Variants in CNTN5 observed in about 807,000 individuals in gnomAD.
CNTN5 encodes contactin-5.
A neutral mutation model predicts 129.1 loss-of-function variants in CNTN5; 77 were observed. That is an observed-to-expected ratio of 0.60 (90% CI 0.50 to 0.72). CNTN5 has a LOEUF of 0.72. CNTN5 is among the 30% of genes least tolerant of loss of function. The pLI is 0.00. For missense variants in CNTN5, 1,478 were observed against 1,328.8 expected (o/e 1.11, Z -1.75); for synonymous variants, 509 against 465.6 (o/e 1.09, Z -1.20).
At chr11:100,349,374 C>T (rs1952355478) in intron 23 of CNTN5, among the ~76,000 whole-genome samples, 1 of 151,850 alleles carries the variant, frequency 6.6e-6, no homozygotes, top group African/African-American at 2.4e-5. Context: ...AATACCAACC[C>T]TTTAACAGTT....
chr11:99,365,555 T>G (rs775496612), intron 2 of CNTN5, among the ~76,000 whole-genome samples: 4 of 152,186 alleles, frequency 2.6e-5, no homozygotes, highest in Non-Finnish European at 5.9e-5. Flanking sequence ...CCAATTCATT[T>G]CATTTCATTT....
intron 13 of CNTN5, among the ~76,000 whole-genome samples, chr11:100,167,083 C>T (rs1947662018): frequency 1.3e-5 from 2 of 151,702 alleles, no homozygotes; most frequent in Non-Finnish European, 2.9e-5. Context: ...AATATAAAAT[C>T]ATGTCATTTC....
chr11:100,070,352 C>A, intron 10 of CNTN5, 72 bp from the exon 11 acceptor site: 2 of 1,441,810 alleles, frequency 1.4e-6, no homozygotes, highest in Non-Finnish European at 1.9e-6. Context: ...TGAATTTTTC[C>A]ATGTAAATTT....
At chr11:99,117,129 CA>C (rs1858080673) in intron 1 of CNTN5, among the ~76,000 whole-genome samples, 1 of 152,012 alleles carries the variant, frequency 6.6e-6, no homozygotes, top group Non-Finnish European at 1.5e-5. Context: ...TGGTTCTAGG[CA>C]AATTATTTTT....
intron 3 of CNTN5, among the ~76,000 whole-genome samples, chr11:99,796,829 G>C (rs981289482): frequency 1.3e-5 from 2 of 152,054 alleles, no homozygotes; most frequent in African/African-American, 4.8e-5. Flanking sequence ...ACACTGGCTG[G>C]GTTTTTTTCC....
intron 15 of CNTN5, among the ~76,000 whole-genome samples, chr11:100,218,508 T>G (rs1259690220): frequency 6.6e-6 from 1 of 152,176 alleles, no homozygotes; most frequent in Non-Finnish European, 1.5e-5. Flanking sequence ...ACCAACCTCA[T>G]GGGCATGTAA....
rs1284471569 is a variant in CNTN5 at position 100,279,929 on chromosome 11, T to A, written c.2314+8688T>A. On this transcript the variant is annotated intron_variant, in intron 18 of 24. Coordinates refer to ENST00000524871, the MANE Select transcript of CNTN5 (RefSeq NM_014361.4). ...CTTTTTCTTTTTTTTTTTTTTTTAA[T>A]GATTTAGGCACTTATAGCTATGAAG... Among the ~76,000 whole-genome samples the A allele has an allele frequency of 1.5e-3, 211 of 144,646 alleles. 1 individual carries two copies. The highest frequency in any genetic ancestry group is 4.4e-4 in the Non-Finnish European group (29 of 65,516). The allele number at this position is 144,646 out of a possible 152,430, so 94.9% of individuals were successfully genotyped here. A position where few individuals can be genotyped will look rare whatever the true frequency, so the allele number is the denominator to read the frequency against.
chr11:99,196,827 A>G (rs1858925401), intron 1 of CNTN5, among the ~76,000 whole-genome samples: 1 of 152,026 alleles, frequency 6.6e-6, no homozygotes, highest in Non-Finnish European at 1.5e-5. Context: ...ATTAAATTAT[A>G]AACATAGCCT....
chr11:99,280,912 A>C (rs902209501), intron 1 of CNTN5, among the ~76,000 whole-genome samples: 1 of 151,766 alleles, frequency 6.6e-6, no homozygotes, highest in African/African-American at 2.4e-5. Flanking sequence ...ATATATTTAC[A>C]GTTATATATA....
intron 2 of CNTN5, among the ~76,000 whole-genome samples, chr11:99,444,412 T>G (rs564276673): frequency 6.6e-6 from 1 of 152,284 alleles, no homozygotes; most frequent in African/African-American, 2.4e-5. Context: ...TAGTTAAAAA[T>G]GATGGCATAT....
intron 2 of CNTN5, among the ~76,000 whole-genome samples, chr11:99,336,809 C>G (rs12294930): frequency 0.037 from 5,545 of 150,310 alleles, 322 homozygotes; most frequent in African/African-American, 0.13. Flanking sequence ...GCCTGGGTGA[C>G]AGAGTGAGAC....
At chr11:100,022,543 A>G (rs1591069712) in intron 9 of CNTN5, among the ~76,000 whole-genome samples, 2 of 152,226 alleles carry the variant, frequency 1.3e-5, no homozygotes, top group African/African-American at 4.8e-5. Flanking sequence ...TTGACTTTAA[A>G]CAGCTGGTTA....
At chr11:99,402,609 C>T (rs1199607988) in intron 2 of CNTN5, among the ~76,000 whole-genome samples, 1 of 152,074 alleles carries the variant, frequency 6.6e-6, no homozygotes, top group Admixed American at 6.6e-5. Flanking sequence ...TTGAAGCATT[C>T]CCTCCTCCTC....
chr11:99,149,989 C>G (rs1018172617), intron 1 of CNTN5, among the ~76,000 whole-genome samples: 3 of 151,648 alleles, frequency 2.0e-5, no homozygotes, highest in Non-Finnish European at 4.4e-5. Context: ...ATTATGATAC[C>G]TGGTAAATAA....
intron 2 of CNTN5, among the ~76,000 whole-genome samples, chr11:99,337,589 G>C (rs1866286138): frequency 6.6e-6 from 1 of 152,110 alleles, no homozygotes; most frequent in Non-Finnish European, 1.5e-5. Flanking sequence ...GGTGTTCCTT[G>C]CCCTCATTCC....
At chr11:99,680,211 T>G (rs918292046) in intron 3 of CNTN5, among the ~76,000 whole-genome samples, 1 of 152,136 alleles carries the variant, frequency 6.6e-6, no homozygotes, top group African/African-American at 2.4e-5. Flanking sequence ...AAAAAACAAA[T>G]TTTCAATATA....
intron 3 of CNTN5, among the ~76,000 whole-genome samples, chr11:99,611,604 A>G (rs530103112): frequency 2.6e-5 from 4 of 152,324 alleles, no homozygotes; most frequent in African/African-American, 9.6e-5. Context: ...TTAAATCAGT[A>G]GTCCTATTCA....
At chr11:99,768,328 T>A (rs1944826233) in intron 3 of CNTN5, among the ~76,000 whole-genome samples, 1 of 152,150 alleles carries the variant, frequency 6.6e-6, no homozygotes, top group Admixed American at 6.6e-5. Context: ...GATATTATAA[T>A]ACTTCAGCAT....
rs879363710 is a variant in CNTN5, at chr11:100,220,280, T to TA, written c.1885-4398dup. Among the ~76,000 whole-genome samples the TA allele has an allele frequency of 6.1e-3, 871 of 141,736 alleles. 6 individuals are homozygous for TA. Among genetic ancestry groups the TA allele is most frequent in the African/African-American group, 0.019 (745 of 38,830 alleles). The allele number at this position is 141,736 out of a possible 152,430, so 93.0% of individuals were successfully genotyped here. On this transcript the variant is annotated intron_variant, in intron 15 of 24. Transcript: ENST00000524871. Reference sequence around the variant, plus strand: ...TGACAGAGCGAGACTCTGTCTCAATTAAAAAAAAAAAAAATTATCCTCTTG... The same window carrying TA: ...TGACAGAGCGAGACTCTGTCTCAATTAAAAAAAAAAAAAAATTATCCTCTTG...
Sources: gnomAD v4.1 joint callset for allele counts (sites outside exome capture counted in the v4.1 genomes callset) on GRCh38, gnomAD v4.1.1 for gene constraint, MANE v1.5 for transcripts, NCBI Gene and HGNC (gene_info 2026-07-23, HGNC 2026-07-21) for gene names.